The following TARBP1 variants were observed in gnomAD, a reference collection of about 807,000 sequenced individuals.
TARBP1 encodes the protein tRNA guanosine 2 -O-methyltransferase TARBP1.
A neutral mutation model predicts 178.6 loss-of-function variants in TARBP1; 144 were observed. That is an observed-to-expected ratio of 0.81 (90% CI 0.70 to 0.93). The LOEUF (loss-of-function observed/expected upper bound fraction) is 0.93. TARBP1 is among the 40% of genes least tolerant of loss of function. TARBP1 has a pLI of 0.00. For synonymous variants in TARBP1, 787 were observed against 781.0 expected, an observed-to-expected ratio of 1.01 and a Z score of -0.13; for missense variants, 2,067 against 2,011.7, an observed-to-expected ratio of 1.03 and a Z score of -0.53.
chr1:234,444,291 G>A (rs1665919417), intron 12 of TARBP1, among the ~76,000 whole-genome samples: 1 of 152,128 alleles, frequency 6.6e-6, no homozygotes, highest in Non-Finnish European at 1.5e-5. Context: ...TATACTGAAG[G>A]CTCATATAAC....
At chr1:234,472,665 G>A (rs375792816) in intron 2 of TARBP1, 49 bp downstream of exon 2, 1 of 1,315,318 alleles carries the variant, frequency 7.6e-7, no homozygotes. Flanking sequence ...TTTTAAAAAA[G>A]AAAAATTGTT....
At chr1:234,435,357 C>T (rs1206431994) in intron 13 of TARBP1, among the ~76,000 whole-genome samples, 1 of 150,468 alleles carries the variant, frequency 6.6e-6, no homozygotes, top group Non-Finnish European at 1.5e-5. Context: ...CGGTGGCGCA[C>T]GCCTGTAATA....
In TARBP1 at chr1:234,398,461, T is replaced by C. The variant is rs1179585391; in HGVS notation, c.4164A>G (p.Leu1388=). The change falls in exon 26 of 30, where the codon TTA becomes TTG. Residue 1388 remains leucine (L), a synonymous_variant. Transcript: ENST00000040877. ...DKFTRFTDVP[L]AAGFQWYLSQ... ...AAAGGTACCACTGAAATCCCGCAGC[T>C]AAAGGAACATCAGTGAATCTGGTAA... 1 of 1,611,918 alleles carries C rather than the reference T, an allele frequency of 6.2e-7. No homozygotes were observed. The highest frequency in any genetic ancestry group is 2.2e-5 in the East Asian group (1 of 44,820).
intron 13 of TARBP1, among the ~76,000 whole-genome samples, chr1:234,433,918 AG>A (rs1393310255): frequency 6.6e-6 from 1 of 152,262 alleles, no homozygotes; most frequent in African/African-American, 2.4e-5. Flanking sequence ...TAATGGTTAT[AG>A]CAATGACTAC....
chr1:234,422,623 T>C (rs1040160127), intron 20 of TARBP1, among the ~76,000 whole-genome samples: 5 of 152,070 alleles, frequency 3.3e-5, no homozygotes, highest in African/African-American at 1.2e-4. Flanking sequence ...GGTGTGGGGA[T>C]GGCTAATGAG....
chr1:234,426,988 G>A (rs111940201), intron 19 of TARBP1, among the ~76,000 whole-genome samples: 3 of 152,158 alleles, frequency 2.0e-5, no homozygotes, highest in Admixed American at 6.5e-5. Context: ...AAAAAGGACT[G>A]GAGAATAAAG....
intron 14 of TARBP1, among the ~76,000 whole-genome samples, chr1:234,431,559 G>T (rs933920660): frequency 9.2e-5 from 14 of 152,150 alleles, no homozygotes; most frequent in African/African-American, 3.4e-4. Context: ...TAGTTACACT[G>T]ATTGAGTTCA....
At chr1:234,415,609 G>C (rs993101980) in intron 22 of TARBP1, among the ~76,000 whole-genome samples, 3 of 152,042 alleles carry the variant, frequency 2.0e-5, no homozygotes, top group African/African-American at 7.2e-5. Flanking sequence ...CACCTGACCC[G>C]GTTCCAAAGA....
At chr1:234,439,327 C>G (rs1558209957) in intron 12 of TARBP1, among the ~76,000 whole-genome samples, 1 of 152,050 alleles carries the variant, frequency 6.6e-6, no homozygotes, top group South Asian at 2.1e-4. Context: ...TATAAGACAA[C>G]TACCATAGAC....
intron 6 of TARBP1, among the ~76,000 whole-genome samples, chr1:234,463,176 T>C (rs1356357587): frequency 2.6e-5 from 4 of 152,076 alleles, no homozygotes; most frequent in Non-Finnish European, 5.9e-5. Flanking sequence ...CAGGCTAGAG[T>C]ATAGTGGCAC....
intron 23 of TARBP1, chr1:234,406,900 C>T (rs182353103): frequency 1.3e-5 from 2 of 152,316 alleles, no homozygotes; most frequent in Non-Finnish European, 2.9e-5. Context: ...AAATGCTTAC[C>T]GGCTGCGCCT....
chr1:234,438,075 G>A (rs1395329983), intron 12 of TARBP1, among the ~76,000 whole-genome samples: 4 of 152,210 alleles, frequency 2.6e-5, no homozygotes, highest in Admixed American at 2.6e-4. Flanking sequence ...CAAAGGAGGT[G>A]AAGACAAAAC....
chr1:234,430,256 C>T lies in TARBP1; in HGVS notation c.2440G>A (p.Ala814Thr). 2.5e-6 allele frequency: 4 copies of T among 1,614,118 alleles called. No homozygotes were observed. Among genetic ancestry groups the T allele is most frequent in the Non-Finnish European group, 3.4e-6 (4 of 1,180,038 alleles). ...SQIQRVVSMA[A>T]LAMVCEAIDQ... Reference sequence around the variant, plus strand: ...ATGGCCTCACACACCATGGCCAAGGCAGCCATGCTCACTACTCTCTGAATC... The same window carrying T: ...ATGGCCTCACACACCATGGCCAAGGTAGCCATGCTCACTACTCTCTGAATC... The change falls in exon 15 of 30, where the codon GCC becomes ACC. Residue 814 changes from alanine to threonine, a missense_variant. Ala to Thr is a moderately conservative substitution (Grantham distance 58). Transcript: ENST00000040877.
intron 26 of TARBP1, among the ~76,000 whole-genome samples, chr1:234,395,682 AGT>A (rs1159459711): frequency 3.9e-5 from 6 of 152,238 alleles, no homozygotes; most frequent in Non-Finnish European, 8.8e-5. Flanking sequence ...AGGATTTGAA[AGT>A]TATAGTTACA....
chr1:234,473,039 A>G (rs1669221602), intron 1 of TARBP1, among the ~76,000 whole-genome samples: 1 of 152,278 alleles, frequency 6.6e-6, no homozygotes, highest in Non-Finnish European at 1.5e-5. Flanking sequence ...AGATTTGCAC[A>G]TATAAACTCT....
chr1:234,423,017 T>C (rs1048413846), intron 20 of TARBP1, among the ~76,000 whole-genome samples: 6 of 152,190 alleles, frequency 3.9e-5, no homozygotes, highest in African/African-American at 1.4e-4. Flanking sequence ...CCCCAGAGCT[T>C]CTGATTCTGT....
At chr1:234,470,203 G>T (rs1246126959) in intron 3 of TARBP1, among the ~76,000 whole-genome samples, 1 of 152,060 alleles carries the variant, frequency 6.6e-6, no homozygotes. Context: ...GGAAGCAGAG[G>T]TTGCAGTGAG....
At position 234,478,713 on chromosome 1, in the gene TARBP1, C is replaced by T; in HGVS notation, c.391G>A (p.Gly131Arg). The T allele has an allele frequency of 8.3e-7, 1 of 1,200,126 alleles. No homozygotes were observed. Among genetic ancestry groups the T allele is most frequent in the Non-Finnish European group, 1.0e-6 (1 of 968,186 alleles). 74.3% of individuals were successfully genotyped at this position (1,200,126 alleles called of 1,614,324 possible). Residue 131 changes from glycine to arginine, a missense_variant, in exon 1 of 30, where the codon GGG (glycine) becomes AGG (arginine). Gly to Arg is a moderately radical substitution (Grantham distance 125). Transcript: ENST00000040877. ...GCCTCGGCGCCAGGCGCGCGCCACC[C>T]GGCGAGCAGATCGCGCAGCGCCTCC... is the stretch of plus-strand genomic sequence containing the variant. ...AEEALRDLLA[G>R]WRAPGAEAAV...
At chr1:234,438,482 T>C (rs1158328677) in intron 12 of TARBP1, among the ~76,000 whole-genome samples, 1 of 152,132 alleles carries the variant, frequency 6.6e-6, no homozygotes, top group Non-Finnish European at 1.5e-5. Context: ...AATTTTATAA[T>C]TGAAAAGTAC....
Sources: gnomAD v4.1 joint callset for allele counts (sites outside exome capture counted in the v4.1 genomes callset) on GRCh38, gnomAD v4.1.1 for gene constraint, MANE v1.5 for transcripts, NCBI Gene and HGNC (gene_info 2026-07-23, HGNC 2026-07-21) for gene names.